Variants in FMNL2 observed in about 807,000 individuals in gnomAD.
FMNL2 encodes the protein formin-like protein 2.
A neutral mutation model predicts 130.2 loss-of-function variants in FMNL2; 51 were observed. The ratio of observed to expected loss-of-function variants is 0.39; its 90% CI spans 0.31 to 0.49. FMNL2 has a LOEUF of 0.49. FMNL2 is among the 20% of genes least tolerant of loss of function. The pLI, the probability that FMNL2 is intolerant of heterozygous loss-of-function variation, is 0.85. For missense variants in FMNL2, 977 were observed against 1,316.2 expected (o/e 0.74, Z 3.99); for synonymous variants, 465 against 467.1 (o/e 1.00, Z 0.06).
rs564275461 is a variant in FMNL2, at chr2:152,642,120, G to T, written c.3169+1206G>T. 3.1e-3 allele frequency among the ~76,000 whole-genome samples: 469 copies of T among 152,060 alleles called. 2 individuals are homozygous for T. Among genetic ancestry groups the T allele is most frequent in the African/African-American group, 0.011 (442 of 41,490 alleles). On this transcript the variant is annotated intron_variant, in intron 25 of 25. Coordinates refer to ENST00000288670, the MANE Select transcript of FMNL2 (RefSeq NM_052905.4). ...CACGCCTGGATAATTTTTTGTATTTGTAGTAGAGATGGGGTTTCACCGTGT... is the reference window on the plus strand; with the variant it reads ...CACGCCTGGATAATTTTTTGTATTTTTAGTAGAGATGGGGTTTCACCGTGT...
At chr2:152,545,225 C>T (rs1206481206) in intron 3 of FMNL2, among the ~76,000 whole-genome samples, 4 of 152,108 alleles carry the variant, frequency 2.6e-5, no homozygotes, top group Non-Finnish European at 5.9e-5. Context: ...TAAGACATGG[C>T]TTGCAGTTAA....
At chr2:152,370,279 C>T (rs898200852) in intron 1 of FMNL2, among the ~76,000 whole-genome samples, 10 of 152,142 alleles carry the variant, frequency 6.6e-5, no homozygotes, top group African/African-American at 2.4e-4. Flanking sequence ...TTCTTGTATC[C>T]TCACATGGCA....
At chr2:152,524,527 A>G (rs1198793387) in intron 2 of FMNL2, among the ~76,000 whole-genome samples, 2 of 152,174 alleles carry the variant, frequency 1.3e-5, no homozygotes, top group Non-Finnish European at 2.9e-5. Flanking sequence ...GTTCCCATGA[A>G]GACATTATTA....
intron 9 of FMNL2, among the ~76,000 whole-genome samples, chr2:152,597,095 A>G (rs1043476063): frequency 6.6e-6 from 1 of 152,234 alleles, no homozygotes; most frequent in Non-Finnish European, 1.5e-5. Flanking sequence ...AACAAATCAC[A>G]TGCATTATTT....
At chr2:152,572,583 C>T (rs946503386) in intron 6 of FMNL2, among the ~76,000 whole-genome samples, 4 of 151,876 alleles carry the variant, frequency 2.6e-5, no homozygotes, top group South Asian at 2.1e-4. Context: ...GCCAGGAATT[C>T]GATACCCACC....
At chr2:152,440,288 A>G (rs935367303) in intron 1 of FMNL2, among the ~76,000 whole-genome samples, 2 of 151,918 alleles carry the variant, frequency 1.3e-5, no homozygotes, top group African/African-American at 2.4e-5. Context: ...TCAGCAGCCA[A>G]CTCAGCTGGG....
At chr2:152,511,220 GC>G (rs1182926355) in intron 1 of FMNL2, among the ~76,000 whole-genome samples, 1 of 151,952 alleles carries the variant, frequency 6.6e-6, no homozygotes, top group Non-Finnish European at 1.5e-5. Context: ...CACTTATTCC[GC>G]CCCCACCTTT....
intron 9 of FMNL2, among the ~76,000 whole-genome samples, chr2:152,589,979 A>ATGTATATGTATG (rs1188116941): frequency 0.01 from 452 of 44,274 alleles, 6 homozygotes; most frequent in Middle Eastern, 0.028. Flanking sequence ...ATATATATAT[A>ATGTATATGTATG]TATATGTATA....
intron 1 of FMNL2, among the ~76,000 whole-genome samples, chr2:152,431,905 A>G (rs1419965521): frequency 2.7e-5 from 4 of 145,892 alleles, no homozygotes; most frequent in Middle Eastern, 3.5e-3. Context: ...TCAAGGCTGC[A>G]GTGAGCTGTG....
rs115100658 is a variant in FMNL2 at position 152,447,998 on chromosome 2, G to A, written c.118-73945G>A. On this transcript the variant is annotated intron_variant, in intron 1 of 25. Transcript: ENST00000288670. ...AGTTTTTAATACTTAACTGTAATTT[G>A]ATAGAGAATAAATTTTCCAAAGGTG... Among the ~76,000 whole-genome samples the A allele has an allele frequency of 8.0e-3, 1,213 of 152,158 alleles. 16 individuals are homozygous for A. Among genetic ancestry groups the A allele is most frequent in the African/African-American group, 0.028 (1,143 of 41,508 alleles).
intron 1 of FMNL2, among the ~76,000 whole-genome samples, chr2:152,382,715 C>T (rs1684542256): frequency 6.6e-6 from 1 of 152,080 alleles, no homozygotes; most frequent in South Asian, 2.1e-4. Context: ...TTGTGGTAAT[C>T]ATTTCACAAT....
At chr2:152,517,180 A>AAT (rs1692821179) in intron 1 of FMNL2, among the ~76,000 whole-genome samples, 1 of 65,490 alleles carries the variant, frequency 1.5e-5, no homozygotes, top group African/African-American at 5.5e-5. Flanking sequence ...TTCCCCCGTG[A>AAT]GTTTTTTTTG....
chr2:152,503,676 A>G (rs933855301), intron 1 of FMNL2, among the ~76,000 whole-genome samples: 3 of 152,228 alleles, frequency 2.0e-5, no homozygotes, highest in African/African-American at 7.2e-5. Context: ...CTGGTGCAAG[A>G]TCAAGAACAT....
At chr2:152,574,390 C>T (rs1432305846) in intron 6 of FMNL2, among the ~76,000 whole-genome samples, 4 of 142,402 alleles carry the variant, frequency 2.8e-5, no homozygotes, top group South Asian at 4.4e-4. Context: ...GAGCTGAGGT[C>T]GTGCCACTGC....
chr2:152,432,966 A>T lies in FMNL2; in HGVS notation c.118-88977A>T, dbSNP rs571217073. Among the ~76,000 whole-genome samples the T allele has an allele frequency of 2.0e-5, 3 of 152,308 alleles. No individual in the cohort carries two copies. In the South Asian group the frequency reaches 6.2e-4, roughly 32 times the overall value. ...TGGCAGGCATTGACATGGACTTTGG[A>T]GTCAGGCAGACCCGGGCTTGAGTTC... is the stretch of plus-strand genomic sequence containing the variant. On this transcript the variant is annotated intron_variant, in intron 1 of 25. Transcript: ENST00000288670.
intron 1 of FMNL2, among the ~76,000 whole-genome samples, chr2:152,402,806 C>A (rs911053919): frequency 6.6e-6 from 1 of 152,184 alleles, no homozygotes; most frequent in African/African-American, 2.4e-5. Flanking sequence ...ATGTTTATCA[C>A]ACTTAATGAG....
At chr2:152,412,478 A>T (rs1226017033) in intron 1 of FMNL2, among the ~76,000 whole-genome samples, 2 of 39,890 alleles carry the variant, frequency 5.0e-5, no homozygotes, top group South Asian at 2.1e-3. Context: ...ATATATATAT[A>T]TATATATATA....
At chr2:152,434,109 A>AT (rs1025787366) in intron 1 of FMNL2, among the ~76,000 whole-genome samples, 4 of 152,176 alleles carry the variant, frequency 2.6e-5, no homozygotes, top group African/African-American at 9.7e-5. Context: ...ATTCCATTGA[A>AT]TTTTTTTAGA....
intron 1 of FMNL2, among the ~76,000 whole-genome samples, chr2:152,475,885 TAC>T (rs1209793468): frequency 1.3e-5 from 2 of 152,214 alleles, no homozygotes; most frequent in Non-Finnish European, 2.9e-5. Context: ...TTAATCTTTC[TAC>T]AGTGTATACA....
Sources: gnomAD v4.1 joint callset for allele counts (sites outside exome capture counted in the v4.1 genomes callset) on GRCh38, gnomAD v4.1.1 for gene constraint, MANE v1.5 for transcripts, NCBI Gene and HGNC (gene_info 2026-07-23, HGNC 2026-07-21) for gene names.